Variants in MAPKAP1 observed in about 807,000 individuals in gnomAD.
The protein encoded by MAPKAP1 is MAPK associated protein 1.
Under a neutral mutation model 65.7 loss-of-function variants are expected in MAPKAP1, and 20 were observed. The ratio of observed to expected loss-of-function variants is 0.30; its 90% CI spans 0.21 to 0.44. MAPKAP1 has a LOEUF of 0.44. Ranked by LOEUF, MAPKAP1 falls within the 20% of genes least tolerant of loss-of-function variation. The pLI is 1.00. For missense variants in MAPKAP1, 423 were observed against 648.0 expected (o/e 0.65, Z 3.77); for synonymous variants, 222 against 244.3 (o/e 0.91, Z 0.85).
intron 4 of MAPKAP1, among the ~76,000 whole-genome samples, chr9:125,587,197 G>C (rs1831814114): frequency 6.6e-6 from 1 of 152,112 alleles, no homozygotes; most frequent in Admixed American, 6.5e-5. Flanking sequence ...TTTGGATTAG[G>C]CAACGATTTC....
chr9:125,547,600 A>G lies in MAPKAP1; in HGVS notation c.849-4432T>C, dbSNP rs145110484. Among the ~76,000 whole-genome samples the G allele has an allele frequency of 4.8e-4, 73 of 152,328 alleles. 1 individual carries two copies. Among genetic ancestry groups the G allele is most frequent in the Non-Finnish European group, 9.3e-4 (63 of 68,032 alleles). On this transcript the variant is annotated intron_variant, in intron 6 of 11. Transcript: ENST00000265960. ...TTGCCCTAAGTCATCATTCCAAGAG[A>G]AAAGGCCCCACTTCAGCCCCTCCTT...
At chr9:125,693,748 T>G (rs967619301) in intron 1 of MAPKAP1, among the ~76,000 whole-genome samples, 1 of 146,712 alleles carries the variant, frequency 6.8e-6, no homozygotes, top group African/African-American at 2.7e-5. Context: ...CACGTATATA[T>G]ACACATATAT....
At chr9:125,655,963 T>C (rs892951372) in intron 4 of MAPKAP1, among the ~76,000 whole-genome samples, 1 of 152,206 alleles carries the variant, frequency 6.6e-6, no homozygotes, top group Non-Finnish European at 1.5e-5. Flanking sequence ...AAGTTAGATA[T>C]ATACACACCA....
intron 9 of MAPKAP1, among the ~76,000 whole-genome samples, chr9:125,468,421 C>T (rs1853767998): frequency 6.6e-6 from 1 of 152,232 alleles, no homozygotes; most frequent in Non-Finnish European, 1.5e-5. Flanking sequence ...AGGCTATTTA[C>T]AGCCGTACAT....
At chr9:125,454,202 C>T (rs1853072495) in intron 10 of MAPKAP1, among the ~76,000 whole-genome samples, 1 of 152,244 alleles carries the variant, frequency 6.6e-6, no homozygotes, top group Non-Finnish European at 1.5e-5. Flanking sequence ...GGCCTTTTGA[C>T]GCTTCAATTC....
Position 125,672,720 on chromosome 9 carries a change from T to G in MAPKAP1, c.-69-77A>C, listed in dbSNP as rs916787362. ...TGAATCATTTTTCAGACACATTCAGTGTAGTAAAATGCCACCTTGAAAATC... is the reference window on the plus strand; with the variant it reads ...TGAATCATTTTTCAGACACATTCAGGGTAGTAAAATGCCACCTTGAAAATC... On this transcript the variant is annotated intron_variant, in intron 1 of 11. Coordinates refer to ENST00000265960, the MANE Select transcript of MAPKAP1 (RefSeq NM_001006617.3). 13 of 847,274 alleles carry G rather than the reference T, an allele frequency of 1.5e-5. No homozygotes were observed. The African/African-American group carries it at 2.0e-4, about 13-fold the overall frequency. The allele number at this position is 847,274 out of a possible 1,614,324, so 52.5% of individuals were successfully genotyped here. A position where few individuals can be genotyped will look rare whatever the true frequency, so the allele number is the denominator to read the frequency against.
intron 1 of MAPKAP1, among the ~76,000 whole-genome samples, chr9:125,705,813 G>A (rs1283026211): frequency 6.6e-6 from 1 of 152,148 alleles, no homozygotes; most frequent in Non-Finnish European, 1.5e-5. Flanking sequence ...GGCAAGGTAG[G>A]GAGAATGTTC....
At chr9:125,563,740 G>A (rs1215732205) in intron 5 of MAPKAP1, among the ~76,000 whole-genome samples, 2 of 150,252 alleles carry the variant, frequency 1.3e-5, no homozygotes, top group African/African-American at 4.9e-5. Flanking sequence ...TTTTGAGATG[G>A]AGTCTTGCTC....
chr9:125,492,189 C>T lies in MAPKAP1; in HGVS notation c.1067-7606G>A, dbSNP rs78513808. The stretch of plus-strand genomic sequence containing the variant: ...GCACTCCATCCTGGGCGAGACCTGG[C>T]GACAGGGCAATACCTCGCCTCAAAA... On this transcript the variant is annotated intron_variant, in intron 8 of 11. Transcript: ENST00000265960. 1.4e-3 allele frequency among the ~76,000 whole-genome samples: 207 copies of T among 152,236 alleles called. 1 individual carries two copies. Among genetic ancestry groups the T allele is most frequent in the African/African-American group, 4.7e-3 (196 of 41,532 alleles).
chr9:125,698,178 T>C (rs1347403298), intron 1 of MAPKAP1, among the ~76,000 whole-genome samples: 1 of 147,316 alleles, frequency 6.8e-6, no homozygotes. Context: ...ACAAAAAGTA[T>C]ATATATATAC....
intron 1 of MAPKAP1, among the ~76,000 whole-genome samples, chr9:125,676,123 G>C (rs1439824688): frequency 1.3e-5 from 2 of 152,094 alleles, no homozygotes; most frequent in Non-Finnish European, 2.9e-5. Context: ...CTCTGGCAAG[G>C]GTTCAGAGAA....
intron 4 of MAPKAP1, among the ~76,000 whole-genome samples, chr9:125,645,076 T>A (rs1296493268): frequency 1.3e-5 from 2 of 152,106 alleles, no homozygotes; most frequent in Non-Finnish European, 2.9e-5. Context: ...CCTTTGTGTC[T>A]GCGCATAAAA....
At chr9:125,693,188 G>A (rs1349152219) in intron 1 of MAPKAP1, among the ~76,000 whole-genome samples, 5 of 151,900 alleles carry the variant, frequency 3.3e-5, no homozygotes, top group East Asian at 1.9e-4. Flanking sequence ...CGAGGCAGGC[G>A]GATCACCTGA....
intron 5 of MAPKAP1, among the ~76,000 whole-genome samples, chr9:125,577,441 G>A (rs1428914225): frequency 3.2e-4 from 47 of 144,650 alleles, no homozygotes; most frequent in Admixed American, 1.3e-3. Context: ...GAGGTGGGGG[G>A]ATCAGCCCCC....
intron 7 of MAPKAP1, among the ~76,000 whole-genome samples, chr9:125,523,490 C>T (rs918516975): frequency 1.3e-5 from 2 of 152,164 alleles, no homozygotes; most frequent in Non-Finnish European, 2.9e-5. Context: ...ATCATCTTTG[C>T]AACTATGGAA....
chr9:125,459,849 ACC>A (rs1853404302), intron 10 of MAPKAP1, among the ~76,000 whole-genome samples: 1 of 21,222 alleles, frequency 4.7e-5, no homozygotes, highest in African/African-American at 3.5e-4. Flanking sequence ...GGAGAGGGAG[ACC>A]GTGGGGAGAG....
Position 125,451,027 on chromosome 9 carries a change from CT to C in MAPKAP1, c.1346-6430del, listed in dbSNP as rs1454948245. On this transcript the variant is annotated intron_variant, in intron 10 of 11. Transcript: ENST00000265960. Reference sequence around the variant, plus strand: ...ACCATAGTAATGACCTCTTTGACCTCTAGAGCCGGGGATGTGCCTGACCTAC... The same window carrying C: ...ACCATAGTAATGACCTCTTTGACCTCAGAGCCGGGGATGTGCCTGACCTAC... 3.9e-5 allele frequency: 6 copies of C among 152,430 alleles called. No individual in the cohort carries two copies. In the East Asian group the frequency reaches 1.2e-3, roughly 29 times the overall value. The allele number at this position is 152,430 out of a possible 1,614,324, so 9.4% of individuals were successfully genotyped here.
At chr9:125,671,531 C>T (rs1834497221) in intron 2 of MAPKAP1, among the ~76,000 whole-genome samples, 1 of 151,890 alleles carries the variant, frequency 6.6e-6, no homozygotes, top group South Asian at 2.1e-4. Context: ...AAAAAAATTA[C>T]CTCCTAGAAT....
At chr9:125,642,014 A>G (rs1833592275) in intron 4 of MAPKAP1, among the ~76,000 whole-genome samples, 1 of 152,162 alleles carries the variant, frequency 6.6e-6, no homozygotes, top group Non-Finnish European at 1.5e-5. Context: ...CATGGGCAAC[A>G]GAGCTAGACT....
Sources: allele counts gnomAD v4.1 joint callset (sites outside exome capture counted in the v4.1 genomes callset), GRCh38; gene constraint gnomAD v4.1.1; transcripts MANE v1.5; gene names NCBI Gene and HGNC (gene_info 2026-07-23, HGNC 2026-07-21).